Variants in PADI1 observed in about 807,000 individuals in gnomAD.
PADI1 encodes the protein protein-arginine deiminase type-1.
A neutral mutation model predicts 74.8 loss-of-function variants in PADI1; 65 were observed. That is an observed-to-expected ratio of 0.87 (90% CI 0.71 to 1.07). The LOEUF (loss-of-function observed/expected upper bound fraction) is 1.07, where lower values mean the gene tolerates loss of function less well. Among genes scored for constraint, PADI1 ranks in the 50% least tolerant of loss-of-function variants. The pLI, the probability that PADI1 is intolerant of heterozygous loss-of-function variation, is 0.00. For synonymous variants in PADI1, 371 were observed against 336.2 expected (o/e 1.10, Z -1.13); for missense variants, 943 against 854.0 (o/e 1.10, Z -1.30).
chr1:17,206,185 C>T (rs1171176724), intron 1 of PADI1, among the ~76,000 whole-genome samples: 1 of 152,162 alleles, frequency 6.6e-6, no homozygotes, highest in East Asian at 1.9e-4. Context: ...TGGGAGTCTC[C>T]CTCAAAGAGG....
intron 1 of PADI1, among the ~76,000 whole-genome samples, chr1:17,214,300 A>G (rs1426410396): frequency 6.6e-6 from 1 of 152,102 alleles, no homozygotes; most frequent in Non-Finnish European, 1.5e-5. Flanking sequence ...AAGAGGTGGC[A>G]TTTGAAGTGG....
chr1:17,229,069 C>T lies in PADI1; in HGVS notation c.929+18C>T, dbSNP rs1268580881. 1 of 1,470,528 alleles carries T rather than the reference C, an allele frequency of 6.8e-7. No homozygotes were observed. The highest frequency in any genetic ancestry group is 1.4e-5 in the African/African-American group (1 of 71,996). The allele number at this position is 1,470,528 out of a possible 1,614,324, so 91.1% of individuals were successfully genotyped here. A position where few individuals can be genotyped will look rare whatever the true frequency, so the allele number is the denominator to read the frequency against. ...GTGTGCAGGTGAGGCTCCCTCCCTC[C>T]AGCCCTCCCCCAAGTCTGGAGTGCA... On this transcript the variant is annotated intron_variant, in intron 8 of 15. Coordinates refer to ENST00000375471, the MANE Select transcript of PADI1 (RefSeq NM_013358.3).
intron 1 of PADI1, among the ~76,000 whole-genome samples, chr1:17,206,607 T>C (rs2071688239): frequency 6.6e-6 from 1 of 152,138 alleles, no homozygotes; most frequent in Non-Finnish European, 1.5e-5. Context: ...AAAGCTTTTT[T>C]AGTATATTGC....
intron 1 of PADI1, among the ~76,000 whole-genome samples, chr1:17,214,349 C>T (rs1220502300): frequency 6.6e-6 from 1 of 152,114 alleles, no homozygotes; most frequent in Non-Finnish European, 1.5e-5. Flanking sequence ...CCCCCCGCCC[C>T]ATGACTTGGC....
At chr1:17,207,288 A>G (rs551197721) in intron 1 of PADI1, among the ~76,000 whole-genome samples, 2 of 152,236 alleles carry the variant, frequency 1.3e-5, no homozygotes, top group East Asian at 3.9e-4. Flanking sequence ...CCCCCATGAG[A>G]TGAGCTGAGT....
rs147483803 is a variant in PADI1 at position 17,229,026 on chromosome 1, C to T, written c.904C>T (p.Pro302Ser). Reference sequence around the variant, plus strand: ...CTGGATCATGACGCCCAACACTCAGCCTCCTGAGGAGCTGTATGTGTGCAG... The same window carrying T: ...CTGGATCATGACGCCCAACACTCAGTCTCCTGAGGAGCTGTATGTGTGCAG... Reference protein sequence around the residue: ...APWIMTPNTQPPEELYVCRVM... With the variant: ...APWIMTPNTQSPEELYVCRVM... Residue 302 changes from proline (P) to serine (S), a missense_variant, in exon 8 of 16, where the codon CCT (proline) becomes TCT (serine). By Grantham distance (74) the Pro-to-Ser change is moderately conservative. Coordinates refer to ENST00000375471, the MANE Select transcript of PADI1 (RefSeq NM_013358.3). The T allele has an allele frequency of 8.0e-5, 126 of 1,577,218 alleles. No individual in the cohort carries two copies. The highest frequency in any genetic ancestry group is 3.3e-4 in the Admixed American group (18 of 54,840).
intron 11 of PADI1, among the ~76,000 whole-genome samples, chr1:17,235,477 G>A (rs976991235): frequency 1.3e-5 from 2 of 152,184 alleles, no homozygotes; most frequent in Admixed American, 6.5e-5. Context: ...AGGGGGCTCT[G>A]CGGGTCCAGC....
chr1:17,229,522 G>A (rs535682084), intron 8 of PADI1, among the ~76,000 whole-genome samples: 129 of 152,246 alleles, frequency 8.5e-4, no homozygotes, highest in Non-Finnish European at 1.4e-3. Flanking sequence ...CTTGAGGGAA[G>A]GATCAGCCTC....
At position 17,244,406 on chromosome 1, in the gene PADI1, C is replaced by G. The variant is rs1207764725; in HGVS notation, c.*163C>G. 1.4e-6 allele frequency: 1 copy of G among 700,692 alleles called. No homozygotes were observed. The highest frequency in any genetic ancestry group is 1.5e-5 in the South Asian group (1 of 66,888). 43.4% of individuals were successfully genotyped at this position (700,692 alleles called of 1,614,324 possible). On this transcript the variant is annotated 3_prime_UTR_variant, in exon 16 of 16. Coordinates refer to ENST00000375471, the MANE Select transcript of PADI1 (RefSeq NM_013358.3). ...AGGACACAGGGATGGATACCACCTACCCTCGCCTCTGGAATGGCCTACCCA... is the reference window on the plus strand; with the variant it reads ...AGGACACAGGGATGGATACCACCTAGCCTCGCCTCTGGAATGGCCTACCCA...
At chr1:17,205,367 T>C (rs1192600218) in intron 1 of PADI1, 58 bp downstream of exon 1, 4 of 1,351,456 alleles carry the variant, frequency 3.0e-6, no homozygotes, top group Non-Finnish European at 4.2e-6. Flanking sequence ...TGTAAGTCAA[T>C]GGGGTGGGTG....
intron 6 of PADI1, among the ~76,000 whole-genome samples, chr1:17,227,791 T>C (rs1007577550): frequency 6.6e-6 from 1 of 152,186 alleles, no homozygotes; most frequent in African/African-American, 2.4e-5. Flanking sequence ...AAGTACTTAG[T>C]GTGACACCAG....
At chr1:17,233,363 G>T (rs74058993) in intron 11 of PADI1, among the ~76,000 whole-genome samples, 1 of 152,214 alleles carries the variant, frequency 6.6e-6, no homozygotes, top group Non-Finnish European at 1.5e-5. Context: ...CCATTAGGAA[G>T]TCAGAATAGC....
In PADI1 at chr1:17,224,705, C is replaced by CT. The variant is rs1364655991; in HGVS notation, c.408+283dup. On this transcript the variant is annotated intron_variant, in intron 4 of 15. Coordinates refer to ENST00000375471, the MANE Select transcript of PADI1 (RefSeq NM_013358.3). ...TTGGGATTGGTTCTTTTGTTGCTGC[C>CT]TTTTTTATTTTGAGGGCTATATTTG... 4.6e-5 allele frequency among the ~76,000 whole-genome samples: 7 copies of CT among 152,192 alleles called. No individual in the cohort carries two copies. In the East Asian group the frequency reaches 1.4e-3, roughly 30 times the overall value.
rs1477640875 is a variant in PADI1, at chr1:17,229,047, T to C, written c.925T>C (p.Cys309Arg). The change falls in exon 8 of 16, where the codon TGC becomes CGC. Residue 309 changes from cysteine to arginine, a missense_variant. Transcript: ENST00000375471. ...TCAGCCTCCTGAGGAGCTGTATGTG[T>C]GCAGGTGAGGCTCCCTCCCTCCAGC... ...NTQPPEELYV[C>R]RVMDTHGSNE... 1.3e-5 allele frequency: 20 copies of C among 1,555,306 alleles called. No individual in the cohort carries two copies. The highest frequency in any genetic ancestry group is 1.7e-5 in the Non-Finnish European group (20 of 1,145,604).
At chr1:17,242,749 C>T (rs898388029) in intron 15 of PADI1, among the ~76,000 whole-genome samples, 1 of 152,188 alleles carries the variant, frequency 6.6e-6, no homozygotes, top group African/African-American at 2.4e-5. Context: ...ACACAGTGAG[C>T]GAGTGGCGGA....
intron 1 of PADI1, among the ~76,000 whole-genome samples, chr1:17,215,387 ATCATCATCG>A (rs887774523): frequency 5.4e-5 from 7 of 130,170 alleles, no homozygotes; most frequent in East Asian, 3.9e-4. Flanking sequence ...TTTCATCATC[ATCATCATCG>A]TCATCATCAT....
At position 17,244,334 on chromosome 1, in the gene PADI1, T is replaced by G. The variant is rs780372765; in HGVS notation, c.*91T>G. On this transcript the variant is annotated 3_prime_UTR_variant, in exon 16 of 16. Transcript: ENST00000375471. ...AACAACCACCTGGCCTCCATTCTCTTGGGGGAGTCTTGGCACTTTGCAAAC... is the reference window on the plus strand; with the variant it reads ...AACAACCACCTGGCCTCCATTCTCTGGGGGGAGTCTTGGCACTTTGCAAAC... The G allele has an allele frequency of 2.1e-6, 2 of 959,048 alleles. No homozygotes were observed. Among genetic ancestry groups the G allele is most frequent in the Non-Finnish European group, 1.7e-6 (1 of 593,724 alleles). The allele number at this position is 959,048 out of a possible 1,614,324, so 59.4% of individuals were successfully genotyped here.
At chr1:17,226,212 C>T in intron 6 of PADI1, 54 bp downstream of exon 6, 1 of 1,576,034 alleles carries the variant, frequency 6.3e-7, no homozygotes, top group Non-Finnish European at 8.7e-7. Context: ...TCTATCCTCT[C>T]CTCCCCCATC....
At chr1:17,242,616 T>C (rs1406854892) in intron 15 of PADI1, among the ~76,000 whole-genome samples, 1 of 152,176 alleles carries the variant, frequency 6.6e-6, no homozygotes, top group Non-Finnish European at 1.5e-5. Context: ...CGTTCCAGGC[T>C]CTGCTGAAGG....
Sources: gnomAD v4.1 joint callset for allele counts (sites outside exome capture counted in the v4.1 genomes callset) on GRCh38, gnomAD v4.1.1 for gene constraint, MANE v1.5 for transcripts, NCBI Gene and HGNC (gene_info 2026-07-23, HGNC 2026-07-21) for gene names.